The following MYH9 variants were observed in gnomAD, a reference collection of about 807,000 sequenced individuals.
MYH9 encodes myosin heavy chain 9.
In MYH9, 29 loss-of-function variants were observed where a neutral mutation model predicts 241.9. The observed-to-expected ratio is 0.12, with a 90% CI of 0.09 to 0.16. The LOEUF (loss-of-function observed/expected upper bound fraction) is 0.16, where lower values mean the gene tolerates loss of function less well. Ranked by LOEUF, MYH9 falls within the 10% of genes least tolerant of loss-of-function variation. MYH9 has a pLI of 1.00. For synonymous variants in MYH9, 1,047 were observed against 1,062.6 expected, an observed-to-expected ratio of 0.99 and a Z score of 0.29; for missense variants, 1,803 against 2,595.5, an observed-to-expected ratio of 0.69 and a Z score of 6.63.
intron 5 of MYH9, among the ~76,000 whole-genome samples, chr22:36,326,260 C>T (rs767964424): frequency 1.3e-5 from 2 of 152,202 alleles, no homozygotes; most frequent in Non-Finnish European, 1.5e-5. Flanking sequence ...TGCCTTCCAG[C>T]CTCAGAAGGG....
At chr22:36,327,520 G>A (rs377155821) in intron 3 of MYH9, 32 bp from the exon 4 acceptor site, 331 of 1,613,402 alleles carry the variant, frequency 2.1e-4, no homozygotes, top group Non-Finnish European at 2.5e-4. Context: ...ATTAACTCCC[G>A]CCAGATGCAA....
At position 36,300,261 on chromosome 22, in the gene MYH9, G is replaced by T. The variant is rs1157553597; in HGVS notation, c.2842C>A (p.Leu948Ile). ...KKKMQQNIQE[L>I]EEQLEEEESA... ...TCCTCCTCCTCCAGCTGCTCCTCAA[G>T]CTCCTGCCGGGGGCCAGAGACACGG... Residue 948 changes from leucine (L) to isoleucine (I), a missense_variant, in exon 23 of 41, where the codon CTT (leucine) becomes ATT (isoleucine). Leu to Ile is a conservative substitution (Grantham distance 5, BLOSUM62 2). Around this residue, in one of 11 missense-constraint regions of MYH9, gnomAD observed 290 missense variants for 360.5 expected, o/e 0.80. Transcript: ENST00000216181. This position sits in a 1 kb window ranked among gnomAD's most constrained non-coding sequence, Gnocchi z 5.0. 6.2e-7 allele frequency: 1 copy of T among 1,612,946 alleles called. No individual in the cohort carries two copies. Among genetic ancestry groups the T allele is most frequent in the South Asian group, 1.1e-5 (1 of 91,090 alleles).
At chr22:36,311,852 C>CA (rs1569535601) in intron 14 of MYH9, among the ~76,000 whole-genome samples, 197 bp downstream of exon 14, 1 of 152,160 alleles carries the variant, frequency 6.6e-6, no homozygotes, top group Non-Finnish European at 1.5e-5. Context: ...CAGCATGGAG[C>CA]AGGTGAAGGG....
At chr22:36,347,369 A>ACT (rs957654109) in intron 2 of MYH9, among the ~76,000 whole-genome samples, 4 of 150,860 alleles carry the variant, frequency 2.7e-5, no homozygotes, top group African/African-American at 9.8e-5. Flanking sequence ...AGCAAGTCTT[A>ACT]CTCTTGGTGG....
At chr22:36,323,456 G>C (rs2017287697) in intron 5 of MYH9, among the ~76,000 whole-genome samples, 1 of 152,204 alleles carries the variant, frequency 6.6e-6, no homozygotes, top group African/African-American at 2.4e-5. Flanking sequence ...TGCCCTCTGG[G>C]GGAAAGAACG....
chr22:36,286,678 G>A (rs55901066), intron 35 of MYH9, 40 bp downstream of exon 35: 245 of 1,607,778 alleles, frequency 1.5e-4, no homozygotes, highest in Non-Finnish European at 1.9e-4. Flanking sequence ...CCTGCTGGCC[G>A]CAGGGCAGCG....
intron 27 of MYH9, among the ~76,000 whole-genome samples, chr22:36,294,708 A>G (rs2016761080): frequency 6.6e-6 from 1 of 152,234 alleles, no homozygotes; most frequent in Non-Finnish European, 1.5e-5. Context: ...GTAACGATGT[A>G]ATGTTTTCAC....
intron 1 of MYH9, among the ~76,000 whole-genome samples, chr22:36,371,744 T>A (rs1436097711): frequency 1.3e-5 from 2 of 151,908 alleles, no homozygotes; most frequent in Admixed American, 6.6e-5. Context: ...CATGTTGGCC[T>A]GGCTGGTCTC....
At position 36,366,282 on chromosome 22, in the gene MYH9, G is replaced by A. The variant is rs141143072; in HGVS notation, c.-19-17027C>T. Among the ~76,000 whole-genome samples, 690 of 152,104 alleles carry A rather than the reference G, an allele frequency of 4.5e-3. 8 individuals are homozygous for A. Among genetic ancestry groups the A allele is most frequent in the African/African-American group, 0.016 (659 of 41,468 alleles). ...TTGAAAGTTCTTGAAAAACACCACCGTGACTTATCTACGCTAGGAAGGAGA... is the reference window on the plus strand; with the variant it reads ...TTGAAAGTTCTTGAAAAACACCACCATGACTTATCTACGCTAGGAAGGAGA... On this transcript the variant is annotated intron_variant, in intron 1 of 40. Transcript: ENST00000216181.
rs1404498145 is a variant in MYH9 at position 36,295,316 on chromosome 22, G to T, written c.3485+189C>A. ...TGCCTCACCCCCAACTTTGAGCCAG[G>T]TCCTTCAACAGACTTTCTACTCTGT... On this transcript the variant is annotated intron_variant, in intron 26 of 40. Coordinates refer to ENST00000216181, the MANE Select transcript of MYH9 (RefSeq NM_002473.6). The surrounding 1 kb of genome is among the most constrained non-coding windows in gnomAD (Gnocchi z 4.1). Among the ~76,000 whole-genome samples, 3 of 152,096 alleles carry T rather than the reference G, an allele frequency of 2.0e-5. No homozygotes were observed. The highest frequency in any genetic ancestry group is 4.4e-5 in the Non-Finnish European group (3 of 68,014).
intron 13 of MYH9, 127 bp downstream of exon 13, chr22:36,314,018 G>T: frequency 8.0e-7 from 1 of 1,255,826 alleles, no homozygotes; most frequent in Non-Finnish European, 1.1e-6. Flanking sequence ...TTCATCCTCC[G>T]GGTGGCACCA....
intron 1 of MYH9, among the ~76,000 whole-genome samples, chr22:36,367,641 C>G (rs1014980613): frequency 3.3e-5 from 5 of 152,180 alleles, no homozygotes; most frequent in Admixed American, 3.3e-4. Context: ...GCAGCCTGGC[C>G]GGCAGGATGA....
In MYH9 at chr22:36,300,462, T is replaced by C. The variant is rs1275014576; in HGVS notation, c.2839-198A>G. Reference sequence around the variant, plus strand: ...CGAGGCAGGGCCCAAGCCCCATTTGTAGGATTCCAGATTTCAAACTGGGAC... The same window carrying C: ...CGAGGCAGGGCCCAAGCCCCATTTGCAGGATTCCAGATTTCAAACTGGGAC... On this transcript the variant is annotated intron_variant, in intron 22 of 40. Coordinates refer to ENST00000216181, the MANE Select transcript of MYH9 (RefSeq NM_002473.6). This position sits in a 1 kb window ranked among gnomAD's most constrained non-coding sequence, Gnocchi z 5.0. Among the ~76,000 whole-genome samples the C allele has an allele frequency of 2.6e-5, 4 of 152,208 alleles. No individual in the cohort carries two copies. Among genetic ancestry groups the C allele is most frequent in the African/African-American group, 7.2e-5 (3 of 41,468 alleles).
chr22:36,334,517 G>A (rs558896321), intron 3 of MYH9, among the ~76,000 whole-genome samples: 12 of 152,360 alleles, frequency 7.9e-5, no homozygotes, highest in South Asian at 2.1e-4. Context: ...CTGCTATCGC[G>A]TTCCAGTGTG....
In MYH9 at chr22:36,319,613, C is replaced by G. The variant is rs186295134; in HGVS notation, c.1035G>C (p.Gly345=). ...AGACGATGTTGCCGAGCTGAAGAAC[C>G]CCTGAGATGACCCGCAGCAGGCCTT... ...EQMGLLRVIS[G]VLQLGNIVFK... Residue 345 remains glycine, a synonymous_variant, in exon 10 of 41, where the codon GGG becomes GGC. Coordinates refer to ENST00000216181, the MANE Select transcript of MYH9 (RefSeq NM_002473.6). The G allele has an allele frequency of 6.2e-7, 1 of 1,614,112 alleles. No individual in the cohort carries two copies. The highest frequency in any genetic ancestry group is 1.7e-5 in the Admixed American group (1 of 60,008).
chr22:36,289,285 C>G lies in MYH9; in HGVS notation c.4357G>C (p.Glu1453Gln), dbSNP rs781047584. The G allele has an allele frequency of 6.2e-6, 10 of 1,610,678 alleles. No homozygotes were observed. The highest frequency in any genetic ancestry group is 7.6e-6 in the Non-Finnish European group (9 of 1,179,278). Residue 1453 changes from glutamate (E) to glutamine (Q), a missense_variant, in exon 32 of 41, where the codon GAG (glutamate) becomes CAG (glutamine). Coordinates refer to ENST00000216181, the MANE Select transcript of MYH9 (RefSeq NM_002473.6). The stretch of plus-strand genomic sequence containing the variant: ...GCATACTTGGCAGAGATGGTCTTCT[C>G]CTCCGCCAGGAGCTGGGAAAGAGGT... ...QKKFDQLLAE[E>Q]KTISAKYAEE...
rs397516781 is a variant in MYH9 at position 36,322,420 on chromosome 22, G to T, written c.705+9C>A. Reference sequence around the variant, plus strand: ...GTCCCCAGAGCCGGGGCGCCGCCGCGCTACTCACGAAGCGGGAGGAGTTGT... The same window carrying T: ...GTCCCCAGAGCCGGGGCGCCGCCGCTCTACTCACGAAGCGGGAGGAGTTGT... On this transcript the variant is annotated intron_variant, in intron 6 of 40. Transcript: ENST00000216181. 6.2e-7 allele frequency: 1 copy of T among 1,613,700 alleles called. No homozygotes were observed. The highest frequency in any genetic ancestry group is 2.2e-5 in the East Asian group (1 of 44,872).
chr22:36,350,035 T>C (rs1341353594), intron 1 of MYH9, among the ~76,000 whole-genome samples: 1 of 152,152 alleles, frequency 6.6e-6, no homozygotes, highest in Non-Finnish European at 1.5e-5. Context: ...AAAACATCAG[T>C]ACATGTTGCC....
rs2016556378 is a variant in MYH9, at chr22:36,285,090, G to C, written c.5483+31C>G. On this transcript the variant is annotated intron_variant, in intron 38 of 40. Coordinates refer to ENST00000216181, the MANE Select transcript of MYH9 (RefSeq NM_002473.6). The surrounding 1 kb of genome is among the most constrained non-coding windows in gnomAD (Gnocchi z 7.0). ...GGGGGCCAGAGTTTTTTCCAGGACA[G>C]CTGGGGTTGGGCGGGGCCAGGGGCA... The C allele has an allele frequency of 1.2e-6, 2 of 1,607,050 alleles. No homozygotes were observed. Among genetic ancestry groups the C allele is most frequent in the African/African-American group, 2.7e-5 (2 of 74,824 alleles).
Sources: gnomAD v4.1 joint callset for allele counts (sites outside exome capture counted in the v4.1 genomes callset) on GRCh38, gnomAD v4.1.1 for gene constraint, gnomAD v4.1.1 regional missense constraint, Gnocchi (gnomAD v3.1) non-coding constraint, MANE v1.5 for transcripts, NCBI Gene and HGNC (gene_info 2026-07-23, HGNC 2026-07-21) for gene names.